CTNNA1: variants seen among roughly 807,000 people sequenced by gnomAD.
CTNNA1 encodes catenin alpha 1, also known as catenin alpha-1.
In CTNNA1, 37 loss-of-function variants were observed where a neutral mutation model predicts 98.4. The ratio of observed to expected loss-of-function variants is 0.38; its 90% CI spans 0.29 to 0.49. The LOEUF (loss-of-function observed/expected upper bound fraction) is 0.49. Among genes scored for constraint, CTNNA1 ranks in the 20% least tolerant of loss-of-function variants. The pLI is 0.95. For missense variants in CTNNA1, 761 were observed against 1,147.2 expected, an observed-to-expected ratio of 0.66 and a Z score of 4.86; for synonymous variants, 404 against 413.2, an observed-to-expected ratio of 0.98 and a Z score of 0.27.
intron 7 of CTNNA1, among the ~76,000 whole-genome samples, chr5:138,831,959 C>T (rs1761315475): frequency 6.6e-6 from 1 of 152,138 alleles, no homozygotes; most frequent in Admixed American, 6.5e-5. Flanking sequence ...CCCTTATGGG[C>T]CTTACATTCT....
intron 7 of CTNNA1, among the ~76,000 whole-genome samples, chr5:138,831,063 T>C (rs912683700): frequency 3.3e-5 from 5 of 152,244 alleles, no homozygotes; most frequent in Non-Finnish European, 7.3e-5. Flanking sequence ...ACGTGGAACT[T>C]TGTATAAACA....
chr5:138,933,751 C>T (rs941937044), intron 17 of CTNNA1, 51 bp from the exon 18 acceptor site: 9 of 1,580,368 alleles, frequency 5.7e-6, no homozygotes, highest in African/African-American at 2.7e-5. Context: ...CCTGTGTCCA[C>T]GAGGCTGGAG....
intron 1 of CTNNA1, among the ~76,000 whole-genome samples, chr5:138,767,769 C>T (rs777503712): frequency 5.3e-5 from 8 of 152,230 alleles, no homozygotes; most frequent in Admixed American, 3.3e-4. Context: ...AACTGCAGAC[C>T]TCATGGGACT....
At chr5:138,841,998 A>G (rs528981113) in intron 7 of CTNNA1, among the ~76,000 whole-genome samples, 1 of 152,362 alleles carries the variant, frequency 6.6e-6, no homozygotes, top group East Asian at 1.9e-4. Context: ...TCTAGGAGTG[A>G]AAAGATTAAT....
intron 17 of CTNNA1, among the ~76,000 whole-genome samples, chr5:138,933,404 A>G (rs1765837577): frequency 6.6e-6 from 1 of 152,100 alleles, no homozygotes; most frequent in African/African-American, 2.4e-5. Flanking sequence ...CACTTCTTAT[A>G]TTGAACATAT....
At chr5:138,761,426 G>A (rs927731576) in intron 1 of CTNNA1, among the ~76,000 whole-genome samples, 10 of 152,028 alleles carry the variant, frequency 6.6e-5, no homozygotes, top group Non-Finnish European at 1.2e-4. Context: ...TAGTAGAGAC[G>A]GGGTTTCACC....
intron 10 of CTNNA1, among the ~76,000 whole-genome samples, chr5:138,916,674 C>T (rs891526377): frequency 1.3e-5 from 2 of 152,062 alleles, no homozygotes; most frequent in African/African-American, 2.4e-5. Context: ...AGGTGTGTGC[C>T]ACCATGCCCA....
intron 10 of CTNNA1, among the ~76,000 whole-genome samples, chr5:138,911,010 A>G (rs989553670): frequency 1.3e-5 from 2 of 152,194 alleles, no homozygotes; most frequent in African/African-American, 2.4e-5. Flanking sequence ...AGGCCAAGAC[A>G]CAGTGACTAC....
chr5:138,869,785 A>G (rs746418982), intron 7 of CTNNA1: 1 of 152,656 alleles, frequency 6.6e-6, no homozygotes, highest in Non-Finnish European at 1.5e-5. Context: ...GAATTGATAC[A>G]GAAATTAACT....
At chr5:138,781,554 CAAA>C (rs5871681) in intron 1 of CTNNA1, among the ~76,000 whole-genome samples, 41 of 130,110 alleles carry the variant, frequency 3.2e-4, no homozygotes, top group Admixed American at 6.1e-4. Flanking sequence ...GACTCTGTCT[CAAA>C]AAAAAAAAAA....
chr5:138,776,655 C>T (rs1271280829), intron 1 of CTNNA1, among the ~76,000 whole-genome samples: 7 of 150,694 alleles, frequency 4.6e-5, no homozygotes, highest in Admixed American at 2.0e-4. Flanking sequence ...CCGGACGGGG[C>T]GGCTGGCCGG....
intron 7 of CTNNA1, among the ~76,000 whole-genome samples, chr5:138,861,327 G>T (rs1471584398): frequency 6.6e-6 from 1 of 152,084 alleles, no homozygotes; most frequent in African/African-American, 2.4e-5. Flanking sequence ...GGCTCTGAAC[G>T]CACTTCTTAA....
intron 7 of CTNNA1, among the ~76,000 whole-genome samples, chr5:138,853,758 A>G (rs1027951995): frequency 6.6e-6 from 1 of 152,168 alleles, no homozygotes; most frequent in Admixed American, 6.5e-5. Context: ...TGTTGCTTTT[A>G]TATTTCTTTT....
At chr5:138,782,246 T>C in intron 2 of CTNNA1, 1 of 631,820 alleles carries the variant, frequency 1.6e-6, no homozygotes, top group Non-Finnish European at 2.9e-6. Context: ...TAGTAACGGG[T>C]CCATGGTATG....
At chr5:138,831,240 A>G (rs936303247) in intron 7 of CTNNA1, among the ~76,000 whole-genome samples, 1 of 152,164 alleles carries the variant, frequency 6.6e-6, no homozygotes, top group Non-Finnish European at 1.5e-5. Flanking sequence ...TGAGGCAGTG[A>G]TTCTTAACTT....
chr5:138,801,968 A>G (rs1757624299), intron 3 of CTNNA1, among the ~76,000 whole-genome samples: 1 of 152,228 alleles, frequency 6.6e-6, no homozygotes, highest in African/African-American at 2.4e-5. Context: ...GTGATGTCCA[A>G]GAGAATGTGT....
chr5:138,794,991 A>G (rs1756780158), intron 3 of CTNNA1, among the ~76,000 whole-genome samples: 1 of 149,636 alleles, frequency 6.7e-6, no homozygotes, highest in Non-Finnish European at 1.5e-5. Flanking sequence ...CTCTACTGAA[A>G]ATACAAAAAT....
intron 9 of CTNNA1, among the ~76,000 whole-genome samples, chr5:138,896,480 C>T (rs188019414): frequency 4.6e-5 from 7 of 152,230 alleles, no homozygotes; most frequent in South Asian, 2.1e-4. Flanking sequence ...GACCTGTGAC[C>T]GCCTCATACT....
At chr5:138,925,843 C>T (rs774704889) in intron 13 of CTNNA1, among the ~76,000 whole-genome samples, 4 of 152,160 alleles carry the variant, frequency 2.6e-5, no homozygotes, top group Non-Finnish European at 4.4e-5. Flanking sequence ...GGGGGAGGAG[C>T]GGCCCCAGGT....
Sources: allele counts gnomAD v4.1 joint callset (sites outside exome capture counted in the v4.1 genomes callset), GRCh38; gene constraint gnomAD v4.1.1; transcripts MANE v1.5; gene names NCBI Gene and HGNC (gene_info 2026-07-23, HGNC 2026-07-21).